Variants in PBX1 observed in about 807,000 individuals in gnomAD.
PBX1 encodes the protein PBX homeobox 1.
PBX1 carries 6 observed loss-of-function variants against 53.4 expected under a neutral mutation model. The observed-to-expected ratio is 0.11, with a 90% confidence interval of 0.06 to 0.22. The LOEUF (loss-of-function observed/expected upper bound fraction) is 0.22, where lower values mean the gene tolerates loss of function less well. Among genes scored for constraint, PBX1 ranks in the 10% least tolerant of loss-of-function variants. The pLI is 1.00. For missense variants in PBX1, 251 were observed against 551.4 expected, an observed-to-expected ratio of 0.46 and a Z score of 5.46; for synonymous variants, 204 against 212.3, an observed-to-expected ratio of 0.96 and a Z score of 0.34.
intron 2 of PBX1, among the ~76,000 whole-genome samples, chr1:164,658,166 CAA>C (rs5778403): frequency 0.22 from 30,861 of 138,450 alleles, 3,168 homozygotes; most frequent in South Asian, 0.26. Flanking sequence ...AAATGAGGTA[CAA>C]AAAAAAAAAA....
At chr1:164,784,513 A>G (rs1394026068) in intron 2 of PBX1, among the ~76,000 whole-genome samples, 3 of 152,242 alleles carry the variant, frequency 2.0e-5, no homozygotes, top group African/African-American at 7.2e-5. Context: ...AAAAGATGAC[A>G]AGAAAAACTT....
In PBX1 at chr1:164,675,396, C is replaced by T. The variant is rs1661376607; in HGVS notation, c.265+112085C>T. On this transcript the variant is annotated intron_variant, in intron 2 of 8. Transcript: ENST00000420696. ...TTGCCTTACTTTCAATGGCAAAAAC[C>T]TCAATTACTTTTGTATCAAACTAAT... Among the ~76,000 whole-genome samples the T allele has an allele frequency of 2.0e-5, 3 of 151,928 alleles. 1 individual carries two copies. The South Asian group carries it at 6.2e-4, about 32-fold the overall frequency.
At chr1:164,581,297 G>A (rs1654602216) in intron 2 of PBX1, among the ~76,000 whole-genome samples, 1 of 150,118 alleles carries the variant, frequency 6.7e-6, no homozygotes, top group Non-Finnish European at 1.5e-5. Flanking sequence ...GCGCAATCTC[G>A]GCTCACTGCA....
At chr1:164,574,909 G>A (rs1654114618) in intron 2 of PBX1, among the ~76,000 whole-genome samples, 1 of 152,156 alleles carries the variant, frequency 6.6e-6, no homozygotes, top group Admixed American at 6.5e-5. Context: ...TTGAACCCGG[G>A]AGGTGGAGGT....
intron 2 of PBX1, among the ~76,000 whole-genome samples, chr1:164,722,033 G>A (rs1303810767): frequency 1.3e-5 from 2 of 152,076 alleles, no homozygotes; most frequent in Non-Finnish European, 2.9e-5. Flanking sequence ...TTTAAACCCA[G>A]TTTTATATCT....
At chr1:164,632,253 C>T (rs1359062985) in intron 2 of PBX1, among the ~76,000 whole-genome samples, 1 of 152,192 alleles carries the variant, frequency 6.6e-6, no homozygotes, top group Non-Finnish European at 1.5e-5. Flanking sequence ...CATGGCTGCA[C>T]TGGAGTTGAA....
At chr1:164,571,847 A>G (rs1273070068) in intron 2 of PBX1, among the ~76,000 whole-genome samples, 6 of 121,384 alleles carry the variant, frequency 4.9e-5, no homozygotes, top group Non-Finnish European at 1.0e-4. Flanking sequence ...ATTGAGGTCT[A>G]TTTGATATAC....
At chr1:164,636,610 G>GTCACC (rs759207822) in intron 2 of PBX1, among the ~76,000 whole-genome samples, 2 of 152,152 alleles carry the variant, frequency 1.3e-5, no homozygotes, top group Non-Finnish European at 2.9e-5. Flanking sequence ...TGGACACCTA[G>GTCACC]TCACCTTGTT....
chr1:164,844,115 C>T (rs66626672), intron 8 of PBX1, among the ~76,000 whole-genome samples: 494 of 61,004 alleles, frequency 8.1e-3, no homozygotes, highest in Middle Eastern at 0.026. Context: ...TTCTTTCTTT[C>T]TTTTTTTTTT....
intron 2 of PBX1, among the ~76,000 whole-genome samples, chr1:164,600,407 A>G (rs1327833339): frequency 1.3e-5 from 2 of 151,964 alleles, no homozygotes; most frequent in African/African-American, 4.8e-5. Flanking sequence ...GCCCGCCACC[A>G]TCGGCTGATT....
chr1:164,810,478 AT>A lies in PBX1; in HGVS notation c.838-1504del, dbSNP rs987362794. Reference sequence around the variant, plus strand: ...CCCCTCTTTACCCCCTTCAGCTCATATTTTTTTTACATATAATTGGACCTCA... The same window carrying A: ...CCCCTCTTTACCCCCTTCAGCTCATATTTTTTTACATATAATTGGACCTCA... On this transcript the variant is annotated intron_variant, in intron 5 of 8. Transcript: ENST00000420696. Among the ~76,000 whole-genome samples the A allele has an allele frequency of 4.6e-5, 7 of 151,808 alleles. No homozygotes were observed. In the East Asian group the frequency reaches 7.8e-4, roughly 17 times the overall value.
At chr1:164,613,615 C>T (rs1054538524) in intron 2 of PBX1, among the ~76,000 whole-genome samples, 1 of 152,166 alleles carries the variant, frequency 6.6e-6, no homozygotes, top group African/African-American at 2.4e-5. Flanking sequence ...CGTGGGGGCC[C>T]AGAGCTCTCC....
intron 2 of PBX1, among the ~76,000 whole-genome samples, chr1:164,716,349 T>C (rs1293478992): frequency 7.2e-5 from 11 of 152,042 alleles, no homozygotes; most frequent in Non-Finnish European, 1.5e-5. Flanking sequence ...GAAAAGAATA[T>C]GTAGCCTACA....
At chr1:164,560,234 G>A (rs2275559) in intron 1 of PBX1, 1 of 421,848 alleles carries the variant, frequency 2.4e-6, no homozygotes, top group East Asian at 3.7e-5. Context: ...GTACATATTT[G>A]TGTGTGTGTG....
intron 2 of PBX1, among the ~76,000 whole-genome samples, chr1:164,588,769 A>G (rs1487326306): frequency 1.3e-5 from 2 of 152,076 alleles, no homozygotes; most frequent in African/African-American, 2.4e-5. Context: ...TGGGCCCAAC[A>G]GCCTTGTTTG....
At chr1:164,686,538 G>C (rs1044689456) in intron 2 of PBX1, among the ~76,000 whole-genome samples, 24 of 152,146 alleles carry the variant, frequency 1.6e-4, no homozygotes, top group African/African-American at 5.6e-4. Flanking sequence ...GCACTTTAAG[G>C]TATCAGAAGG....
intron 2 of PBX1, among the ~76,000 whole-genome samples, chr1:164,775,453 A>G (rs1244697216): frequency 6.6e-6 from 1 of 152,174 alleles, no homozygotes; most frequent in Non-Finnish European, 1.5e-5. Flanking sequence ...CGCAGAGACC[A>G]TGTGAATGCT....
chr1:164,688,717 A>G (rs1021480414), intron 2 of PBX1, among the ~76,000 whole-genome samples: 1 of 152,102 alleles, frequency 6.6e-6, no homozygotes, highest in Non-Finnish European at 1.5e-5. Flanking sequence ...TCTTCCCCCA[A>G]TATCTCCCCT....
intron 4 of PBX1, among the ~76,000 whole-genome samples, chr1:164,807,218 C>T (rs1669402756): frequency 6.6e-6 from 1 of 152,158 alleles, no homozygotes; most frequent in Non-Finnish European, 1.5e-5. Flanking sequence ...GATCACACCA[C>T]TGCACTCCAG....
Sources: allele counts gnomAD v4.1 joint callset (sites outside exome capture counted in the v4.1 genomes callset), GRCh38; gene constraint gnomAD v4.1.1; transcripts MANE v1.5; gene names NCBI Gene and HGNC (gene_info 2026-07-23, HGNC 2026-07-21).